TMPRSS11D: variants seen among roughly 807,000 people sequenced by gnomAD.
TMPRSS11D encodes the protein transmembrane serine protease 11D.
A neutral mutation model predicts 44.4 loss-of-function variants in TMPRSS11D; 32 were observed. The observed-to-expected ratio is 0.72, with a 90% CI of 0.54 to 0.97. The LOEUF is 0.97. TMPRSS11D is among the 50% of genes least tolerant of loss of function. The probability of loss-of-function intolerance (pLI) is 0.00; values close to 1 mark genes in which losing one functional copy is unlikely to be tolerated. For missense variants in TMPRSS11D, 446 were observed against 502.6 expected (o/e 0.89, Z 1.08); for synonymous variants, 179 against 177.9 (o/e 1.01, Z -0.05).
intron 7 of TMPRSS11D, among the ~76,000 whole-genome samples, chr4:67,832,582 A>T (rs1352027187): frequency 6.6e-6 from 1 of 151,458 alleles, no homozygotes; most frequent in Non-Finnish European, 1.5e-5. Context: ...ATTGTAATTG[A>T]TCATTATTTT....
At chr4:67,863,956 C>T (rs370171032) in intron 1 of TMPRSS11D, among the ~76,000 whole-genome samples, 17 of 151,828 alleles carry the variant, frequency 1.1e-4, no homozygotes, top group African/African-American at 4.1e-4. Flanking sequence ...AGTCCCCCTG[C>T]GACATGTTGG....
intron 4 of TMPRSS11D, among the ~76,000 whole-genome samples, chr4:67,839,491 T>C (rs1718179378): frequency 6.6e-6 from 1 of 152,040 alleles, no homozygotes; most frequent in Non-Finnish European, 1.5e-5. Context: ...ATGTGAATAG[T>C]ATGTGGTGAG....
intron 3 of TMPRSS11D, among the ~76,000 whole-genome samples, chr4:67,848,619 G>C (rs546384825): frequency 6.2e-4 from 94 of 152,310 alleles, no homozygotes; most frequent in African/African-American, 2.2e-3. Flanking sequence ...ACATTTCTTA[G>C]AGGAAATGCT....
chr4:67,863,021 G>T (rs550782455), intron 1 of TMPRSS11D, among the ~76,000 whole-genome samples: 1 of 150,984 alleles, frequency 6.6e-6, no homozygotes, highest in African/African-American at 2.4e-5. Flanking sequence ...AAAGCTGCAC[G>T]TTACCCTAGA....
chr4:67,877,368 G>T (rs1163376505), intron 1 of TMPRSS11D, among the ~76,000 whole-genome samples: 2 of 152,118 alleles, frequency 1.3e-5, no homozygotes, highest in East Asian at 3.9e-4. Context: ...ACTGAATCCA[G>T]TACCCACCCA....
At chr4:67,872,438 A>G (rs1480986528) in intron 1 of TMPRSS11D, among the ~76,000 whole-genome samples, 1 of 152,194 alleles carries the variant, frequency 6.6e-6, no homozygotes, top group African/African-American at 2.4e-5. Flanking sequence ...TTTTATTGTA[A>G]AAATGCTCTT....
chr4:67,866,247 A>T (rs1403066703), intron 1 of TMPRSS11D, among the ~76,000 whole-genome samples: 2 of 152,020 alleles, frequency 1.3e-5, no homozygotes, highest in Non-Finnish European at 2.9e-5. Flanking sequence ...AAACAAAACC[A>T]TATGATCATC....
chr4:67,822,237 A>C lies in TMPRSS11D; in HGVS notation c.*100T>G. On this transcript the variant is annotated 3_prime_UTR_variant, in exon 10 of 10. Coordinates refer to ENST00000283916, the MANE Select transcript of TMPRSS11D (RefSeq NM_004262.3). ...TATTTATGTAACAAGATGTTAAATT[A>C]GGACATTTCTAGTTTCTTTTTCAGT... 2 of 1,277,678 alleles carry C rather than the reference A, an allele frequency of 1.6e-6. No individual in the cohort carries two copies. The highest frequency in any genetic ancestry group is 4.7e-5 in the East Asian group (2 of 42,912). The allele number at this position is 1,277,678 out of a possible 1,614,324, so 79.1% of individuals were successfully genotyped here.
intron 5 of TMPRSS11D, among the ~76,000 whole-genome samples, chr4:67,837,127 G>A (rs1245288449): frequency 6.6e-6 from 1 of 152,018 alleles, no homozygotes; most frequent in South Asian, 2.1e-4. Context: ...GGTGGAAACC[G>A]CTATTCTGTG....
intron 7 of TMPRSS11D, among the ~76,000 whole-genome samples, chr4:67,829,355 T>C (rs950583800): frequency 6.6e-6 from 1 of 151,648 alleles, no homozygotes; most frequent in African/African-American, 2.4e-5. Context: ...CATAAACTTA[T>C]CGAACTCCCC....
chr4:67,867,097 G>C (rs1029852280), intron 1 of TMPRSS11D, among the ~76,000 whole-genome samples: 8 of 152,086 alleles, frequency 5.3e-5, no homozygotes, highest in African/African-American at 1.9e-4. Flanking sequence ...CAAAGCTATA[G>C]TAACCAAAAC....
In TMPRSS11D at chr4:67,854,076, C is replaced by A. The variant is rs375890965; in HGVS notation, c.241G>T (p.Glu81Ter). Residue 81 changes from glutamate (E) to a stop codon, truncating the protein, a stop_gained, in exon 3 of 10, where the codon GAA becomes TAA. Coordinates refer to ENST00000283916, the MANE Select transcript of TMPRSS11D (RefSeq NM_004262.3). LOFTEE classifies it high-confidence loss of function. Reference protein sequence around the residue: ...QEYRTLSGRIESLITKTFKES... With the variant: ...QEYRTLSGRI ...GACAAATATTAACTTACCAGAGATT[C>A]AATTCTTCCACTCAAAGTCCTGTAT... 1 of 1,528,734 alleles carries A rather than the reference C, an allele frequency of 6.5e-7. No homozygotes were observed. The allele number at this position is 1,528,734 out of a possible 1,614,324, so 94.7% of individuals were successfully genotyped here.
At chr4:67,831,955 C>T (rs980690014) in intron 7 of TMPRSS11D, among the ~76,000 whole-genome samples, 4 of 152,094 alleles carry the variant, frequency 2.6e-5, no homozygotes, top group Non-Finnish European at 5.9e-5. Flanking sequence ...TTAACAAATA[C>T]GTTTGTAACA....
At chr4:67,858,192 G>A (rs1458731420) in intron 2 of TMPRSS11D, among the ~76,000 whole-genome samples, 5 of 152,164 alleles carry the variant, frequency 3.3e-5, no homozygotes, top group East Asian at 1.9e-4. Flanking sequence ...CATTACTTAC[G>A]CAGACAAATA....
At chr4:67,877,328 T>A (rs993240934) in intron 1 of TMPRSS11D, among the ~76,000 whole-genome samples, 4 of 152,144 alleles carry the variant, frequency 2.6e-5, no homozygotes, top group Non-Finnish European at 4.4e-5. Context: ...TAAGAATTAC[T>A]TGAAGACTTG....
chr4:67,844,226 G>A (rs1718302701), intron 3 of TMPRSS11D, among the ~76,000 whole-genome samples: 1 of 152,154 alleles, frequency 6.6e-6, no homozygotes, highest in African/African-American at 2.4e-5. Flanking sequence ...CCAGGATTTG[G>A]AGCAGATTCT....
chr4:67,836,544 G>A (rs1291835408), intron 5 of TMPRSS11D, among the ~76,000 whole-genome samples: 1 of 152,066 alleles, frequency 6.6e-6, no homozygotes, highest in Non-Finnish European at 1.5e-5. Flanking sequence ...TAAAAAGCTG[G>A]CCATTCTTAA....
intron 9 of TMPRSS11D, among the ~76,000 whole-genome samples, chr4:67,823,143 T>C (rs900195418): frequency 6.6e-6 from 1 of 152,218 alleles, no homozygotes; most frequent in Non-Finnish European, 1.5e-5. Flanking sequence ...TTAGGAGATA[T>C]TTGTTGAATG....
intron 4 of TMPRSS11D, chr4:67,839,011 G>C (rs904794194): frequency 3.9e-5 from 6 of 151,990 alleles, no homozygotes; most frequent in Non-Finnish European, 7.4e-5. Flanking sequence ...TTCCAGGAAA[G>C]TTACCTCATA....
Sources: gnomAD v4.1 joint callset for allele counts (sites outside exome capture counted in the v4.1 genomes callset) on GRCh38, gnomAD v4.1.1 for gene constraint, MANE v1.5 for transcripts, NCBI Gene and HGNC (gene_info 2026-07-23, HGNC 2026-07-21) for gene names.